PRKDC: variants seen among roughly 807,000 people sequenced by gnomAD.
The protein encoded by PRKDC is DNA-dependent protein kinase catalytic subunit.
A neutral mutation model predicts 486.9 loss-of-function variants in PRKDC; 82 were observed. The observed-to-expected ratio is 0.17, with a 90% CI of 0.14 to 0.20. The LOEUF is 0.20. Among genes scored for constraint, PRKDC ranks in the 10% least tolerant of loss-of-function variants. The pLI is 1.00. For missense variants in PRKDC, 4,504 were observed against 5,038.2 expected, an observed-to-expected ratio of 0.89 and a Z score of 3.21; for synonymous variants, 1,895 against 1,837.0, an observed-to-expected ratio of 1.03 and a Z score of -0.81.
At chr8:47,795,075 T>C (rs1295760907) in intron 73 of PRKDC, among the ~76,000 whole-genome samples, 2 of 151,548 alleles carry the variant, frequency 1.3e-5, no homozygotes, top group Non-Finnish European at 2.9e-5. Context: ...TTAGTAGAGA[T>C]GGGGGTTTCA....
chr8:47,777,573 G>T, intron 84 of PRKDC, 113 bp downstream of exon 84: 3 of 1,148,566 alleles, frequency 2.6e-6, no homozygotes, highest in South Asian at 1.8e-5. Context: ...ACAAAATAAT[G>T]TAAATATTTT....
intron 33 of PRKDC, 102 bp from the exon 34 acceptor site, chr8:47,888,752 C>T: frequency 7.9e-6 from 11 of 1,398,338 alleles, no homozygotes; most frequent in Non-Finnish European, 1.0e-5. Flanking sequence ...CAAACAGAGG[C>T]AACATCTAAC....
In PRKDC at chr8:47,889,186, T is replaced by G. The variant is rs183449582; in HGVS notation, c.4108A>C (p.Arg1370=). The G allele has an allele frequency of 3.7e-6, 6 of 1,613,674 alleles. No homozygotes were observed. In the East Asian group the frequency reaches 1.3e-4, roughly 36 times the overall value. The change falls in exon 33 of 86, where the codon AGA becomes CGA. Residue 1370 remains arginine (R), a synonymous_variant. Transcript: ENST00000314191. The part of the protein sequence containing the change: ...KKDLCNTHLM[R]VLVQTLCEPA... ...TCACACAGCGTCTGCACCAGGACTCTCATCAGGTGTGTATTACACAAGTCC... is the reference window on the plus strand; with the variant it reads ...TCACACAGCGTCTGCACCAGGACTCGCATCAGGTGTGTATTACACAAGTCC...
Position 47,778,480 on chromosome 8 carries a change from A to G in PRKDC, c.11832T>C (p.His3944=), listed in dbSNP as rs554593641. 1.2e-6 allele frequency: 2 copies of G among 1,613,136 alleles called. No homozygotes were observed. The highest frequency in any genetic ancestry group is 1.7e-6 in the Non-Finnish European group (2 of 1,179,632). Residue 3944 remains histidine, a synonymous_variant, in exon 83 of 86, where the codon CAT becomes CAC. Transcript: ENST00000314191. The part of the protein sequence containing the change: ...TGGVIGIDFG[H]AFGSATQFLP... The stretch of plus-strand genomic sequence containing the variant: ...GCACCTGTGTAGCGGATCCAAACGC[A>G]TGCCCAAAGTCGATCCCGATCACGC...
chr8:47,950,079 C>T (rs2090602714), intron 7 of PRKDC, among the ~76,000 whole-genome samples: 1 of 150,952 alleles, frequency 6.6e-6, no homozygotes, highest in Non-Finnish European at 1.5e-5. Context: ...GGAGACCAGC[C>T]TGGCCAACAT....
At chr8:47,799,802 G>C (rs1310249449) in intron 71 of PRKDC, among the ~76,000 whole-genome samples, 1 of 152,100 alleles carries the variant, frequency 6.6e-6, no homozygotes, top group Non-Finnish European at 1.5e-5. Context: ...TGAATGAGAC[G>C]GAAGCAGGTA....
intron 32 of PRKDC, 45 bp downstream of exon 32, chr8:47,890,212 T>C: frequency 2.1e-6 from 3 of 1,397,268 alleles, no homozygotes; most frequent in Non-Finnish European, 2.9e-6. Context: ...TTTGAAGTAG[T>C]TTTCCAGTAC....
chr8:47,956,487 G>C (rs970363794), intron 3 of PRKDC, among the ~76,000 whole-genome samples: 2 of 150,526 alleles, frequency 1.3e-5, no homozygotes, highest in African/African-American at 4.9e-5. Context: ...TTAAGCCCAG[G>C]AGTTCAAGAC....
chr8:47,851,528 C>T (rs2088402695), intron 52 of PRKDC, among the ~76,000 whole-genome samples: 1 of 152,210 alleles, frequency 6.6e-6, no homozygotes, highest in Non-Finnish European at 1.5e-5. Flanking sequence ...CCACTGGTGC[C>T]TGCTCAGGAC....
At chr8:47,855,002 G>A (rs1213044938) in intron 50 of PRKDC, among the ~76,000 whole-genome samples, 1 of 152,168 alleles carries the variant, frequency 6.6e-6, no homozygotes, top group Non-Finnish European at 1.5e-5. Context: ...CCCCAGCGTG[G>A]GGACATCAGA....
chr8:47,849,330 G>A (rs1265486121), intron 53 of PRKDC, 27 bp from the exon 54 acceptor site: 12 of 1,613,752 alleles, frequency 7.4e-6, no homozygotes, highest in Non-Finnish European at 1.0e-5. Flanking sequence ...CTGGTGAGAG[G>A]AGGGCCGAGG....
At chr8:47,958,726 T>C (rs1563825861) in intron 1 of PRKDC, among the ~76,000 whole-genome samples, 1 of 151,876 alleles carries the variant, frequency 6.6e-6, no homozygotes, top group Non-Finnish European at 1.5e-5. Flanking sequence ...AGGATACATG[T>C]ATATAGCATC....
At chr8:47,864,410 T>G in intron 41 of PRKDC, 146 bp downstream of exon 41, 2 of 696,240 alleles carry the variant, frequency 2.9e-6, no homozygotes, top group Non-Finnish European at 4.6e-6. Context: ...CCACAGGAAA[T>G]AAAGGCAGAT....
chr8:47,804,955 T>A (rs2087189493), intron 69 of PRKDC: 1 of 152,158 alleles, frequency 6.6e-6, no homozygotes, highest in Middle Eastern at 3.2e-3. Context: ...AGAGACGGGG[T>A]TTCACCGTGT....
intron 76 of PRKDC, 41 bp from the exon 77 acceptor site, chr8:47,785,358 T>A: frequency 1.4e-6 from 2 of 1,451,770 alleles, no homozygotes; most frequent in South Asian, 1.3e-5. Flanking sequence ...TGATGTTTAG[T>A]TTGGACTTTG....
chr8:47,849,091 G>A (rs1235483566), intron 54 of PRKDC, 63 bp downstream of exon 54: 15 of 1,564,262 alleles, frequency 9.6e-6, no homozygotes, highest in South Asian at 1.2e-5. Flanking sequence ...AGTTGGAGAC[G>A]TCTTAATAAA....
In PRKDC at chr8:47,889,193, G is replaced by T. The variant is rs1563787449; in HGVS notation, c.4101C>A (p.His1367Gln). The T allele has an allele frequency of 6.2e-7, 1 of 1,613,414 alleles. No individual in the cohort carries two copies. Among genetic ancestry groups the T allele is most frequent in the East Asian group, 2.2e-5 (1 of 44,890 alleles). The change falls in exon 33 of 86, where the codon CAC (histidine) becomes CAA (glutamine). Residue 1367 changes from histidine (H) to glutamine (Q), a missense_variant. By Grantham distance (24) the His-to-Gln change is conservative. Around this residue, in one of 6 missense-constraint regions of PRKDC, gnomAD observed 1,969 missense variants for 2,068.9 expected, o/e 0.95. Coordinates refer to ENST00000314191, the MANE Select transcript of PRKDC (RefSeq NM_006904.7). The part of the protein sequence containing the change: ...KLLKKDLCNT[H>Q]LMRVLVQTLC... The stretch of plus-strand genomic sequence containing the variant: ...GCGTCTGCACCAGGACTCTCATCAG[G>T]TGTGTATTACACAAGTCCTTCTTCA...
At chr8:47,866,585 T>C (rs2088822524) in intron 40 of PRKDC, among the ~76,000 whole-genome samples, 2 of 152,030 alleles carry the variant, frequency 1.3e-5, no homozygotes, top group African/African-American at 2.4e-5. Context: ...ATTAAATATA[T>C]AAAAATATGC....
intron 40 of PRKDC, among the ~76,000 whole-genome samples, chr8:47,868,884 C>T (rs950444499): frequency 2.0e-5 from 3 of 152,170 alleles, no homozygotes; most frequent in African/African-American, 4.8e-5. Context: ...AGCACAGTGA[C>T]GGGGCACTTT....
Sources: gnomAD v4.1 joint callset for allele counts (sites outside exome capture counted in the v4.1 genomes callset) on GRCh38, gnomAD v4.1.1 for gene constraint, gnomAD v4.1.1 regional missense constraint, MANE v1.5 for transcripts, NCBI Gene and HGNC (gene_info 2026-07-23, HGNC 2026-07-21) for gene names.